Variants in PRTFDC1 observed in about 807,000 individuals in gnomAD.
PRTFDC1 encodes the protein phosphoribosyl transferase domain containing 1.
In PRTFDC1, 38 loss-of-function variants were observed where a neutral mutation model predicts 34.6. The observed-to-expected ratio is 1.10, with a 90% CI of 0.85 to 1.44. The LOEUF (loss-of-function observed/expected upper bound fraction) is 1.44. Among genes scored for constraint, PRTFDC1 ranks in the 40% most tolerant of loss-of-function variants. The pLI, the probability that PRTFDC1 is intolerant of heterozygous loss-of-function variation, is 0.00. For synonymous variants in PRTFDC1, 93 were observed against 98.1 expected, an observed-to-expected ratio of 0.95 and a Z score of 0.31; for missense variants, 270 against 283.0, an observed-to-expected ratio of 0.95 and a Z score of 0.33.
At chr10:24,948,497 C>A (rs975880678) in intron 1 of PRTFDC1, among the ~76,000 whole-genome samples, 1 of 152,192 alleles carries the variant, frequency 6.6e-6, no homozygotes, top group Non-Finnish European at 1.5e-5. Context: ...CATTTGCTAC[C>A]ATTTATTGTT....
chr10:24,871,861 A>T, intron 4 of PRTFDC1, 137 bp downstream of exon 4: 1 of 671,544 alleles, frequency 1.5e-6, no homozygotes. Flanking sequence ...AGATCATTAA[A>T]AGGATTCACG....
chr10:24,860,228 A>G (rs1239058598), intron 4 of PRTFDC1, among the ~76,000 whole-genome samples: 1 of 152,114 alleles, frequency 6.6e-6, no homozygotes, highest in Non-Finnish European at 1.5e-5. Context: ...AAAATATACA[A>G]AAATTAGCTG....
intron 3 of PRTFDC1, among the ~76,000 whole-genome samples, chr10:24,902,845 A>G (rs1267864693): frequency 6.6e-6 from 1 of 152,242 alleles, no homozygotes; most frequent in Non-Finnish European, 1.5e-5. Context: ...GATTTTAAGA[A>G]GGTCGTGAAA....
chr10:24,942,528 T>C, intron 1 of PRTFDC1, 92 bp from the exon 2 acceptor site: 1 of 1,050,358 alleles, frequency 9.5e-7, no homozygotes, highest in East Asian at 2.4e-5. Flanking sequence ...GAGAATTCCC[T>C]CAACTTATGA....
At chr10:24,921,558 C>G (rs1248836656) in intron 3 of PRTFDC1, among the ~76,000 whole-genome samples, 3 of 152,046 alleles carry the variant, frequency 2.0e-5, no homozygotes, top group Non-Finnish European at 4.4e-5. Context: ...TGGCCTTTTC[C>G]TTTCCACTCC....
chr10:24,944,896 C>T (rs1463038471), intron 1 of PRTFDC1, among the ~76,000 whole-genome samples: 3 of 152,176 alleles, frequency 2.0e-5, no homozygotes, highest in Non-Finnish European at 4.4e-5. Flanking sequence ...CTCACTGTGG[C>T]TCACCAGGGA....
intron 3 of PRTFDC1, among the ~76,000 whole-genome samples, chr10:24,893,362 C>A (rs1008583530): frequency 1.3e-5 from 2 of 152,134 alleles, no homozygotes; most frequent in African/African-American, 2.4e-5. Flanking sequence ...AATCATAGCA[C>A]ATTGCAGCCT....
At chr10:24,915,005 G>A (rs1411369067) in intron 3 of PRTFDC1, among the ~76,000 whole-genome samples, 1 of 152,130 alleles carries the variant, frequency 6.6e-6, no homozygotes, top group African/African-American at 2.4e-5. Context: ...AACTACCTGG[G>A]TGATGGGTGC....
At chr10:24,883,886 G>A (rs916907359) in intron 3 of PRTFDC1, among the ~76,000 whole-genome samples, 11 of 144,008 alleles carry the variant, frequency 7.6e-5, no homozygotes, top group Non-Finnish European at 1.5e-4. Context: ...GTGCAGTGGC[G>A]TGATCTTGGC....
intron 4 of PRTFDC1, among the ~76,000 whole-genome samples, chr10:24,871,091 G>T (rs994325361): frequency 9.1e-6 from 1 of 110,244 alleles, no homozygotes; most frequent in Non-Finnish European, 1.9e-5. Context: ...AAAAAAAAAA[G>T]TCCTTGTGGC....
At chr10:24,851,262 C>CGTG in intron 8 of PRTFDC1, 126 bp downstream of exon 8, 1 of 1,345,900 alleles carries the variant, frequency 7.4e-7, no homozygotes, top group Non-Finnish European at 9.8e-7. Context: ...ATGCAATGTG[C>CGTG]TCACCATACT....
At position 24,952,301 on chromosome 10, in the gene PRTFDC1, G is replaced by T. The variant is rs1186656146; in HGVS notation, c.48+227C>A. Among the ~76,000 whole-genome samples the T allele has an allele frequency of 6.6e-6, 1 of 151,992 alleles. No homozygotes were observed. The highest frequency in any genetic ancestry group is 2.4e-5 in the African/African-American group (1 of 41,404). On this transcript the variant is annotated intron_variant, in intron 1 of 8. Transcript: ENST00000320152. This position sits in a 1 kb window ranked among gnomAD's most constrained non-coding sequence, Gnocchi z 5.1. The stretch of plus-strand genomic sequence containing the variant: ...AGCGAGCTACCGGCCGGAGGACACG[G>T]GGGGACGCTGGGAACTCGGGGTGAA...
chr10:24,857,745 T>C (rs1284296894), intron 5 of PRTFDC1, among the ~76,000 whole-genome samples: 2 of 151,816 alleles, frequency 1.3e-5, no homozygotes, highest in East Asian at 1.9e-4. Context: ...TAACAAAAGG[T>C]TGAAAACAGC....
At chr10:24,933,535 A>C (rs1169697134) in intron 3 of PRTFDC1, among the ~76,000 whole-genome samples, 3 of 152,172 alleles carry the variant, frequency 2.0e-5, no homozygotes, top group African/African-American at 7.2e-5. Flanking sequence ...ATTAAACCAC[A>C]ATGTGATATC....
At chr10:24,917,618 C>A (rs1205382671) in intron 3 of PRTFDC1, among the ~76,000 whole-genome samples, 1 of 152,090 alleles carries the variant, frequency 6.6e-6, no homozygotes, top group African/African-American at 2.4e-5. Flanking sequence ...TCATGCTAGA[C>A]ACTGTGCTCC....
At chr10:24,861,533 C>CA (rs1301812875) in intron 4 of PRTFDC1, among the ~76,000 whole-genome samples, 2 of 151,936 alleles carry the variant, frequency 1.3e-5, no homozygotes, top group African/African-American at 2.4e-5. Flanking sequence ...AACAAACAAA[C>CA]AAAAAACCAA....
chr10:24,873,603 T>G (rs867997822), intron 3 of PRTFDC1, among the ~76,000 whole-genome samples: 1 of 152,174 alleles, frequency 6.6e-6, no homozygotes, highest in South Asian at 2.1e-4. Flanking sequence ...TTCCACATGG[T>G]TCAGGTAGGG....
chr10:24,902,071 T>C (rs1313314170), intron 3 of PRTFDC1, among the ~76,000 whole-genome samples: 2 of 152,112 alleles, frequency 1.3e-5, no homozygotes, highest in Admixed American at 1.3e-4. Flanking sequence ...GCTGCAGTGG[T>C]TACTGGCAGT....
intron 7 of PRTFDC1, 145 bp from the exon 8 acceptor site, chr10:24,851,609 G>A (rs145867398): frequency 3.7e-6 from 5 of 1,348,060 alleles, no homozygotes; most frequent in African/African-American, 1.5e-5. Flanking sequence ...AAATGCACAC[G>A]ATGAGCCCAA....
Sources: gnomAD v4.1 joint callset for allele counts (sites outside exome capture counted in the v4.1 genomes callset) on GRCh38, gnomAD v4.1.1 for gene constraint, Gnocchi (gnomAD v3.1) non-coding constraint, MANE v1.5 for transcripts, NCBI Gene and HGNC (gene_info 2026-07-23, HGNC 2026-07-21) for gene names.